Variants in ZNF845 observed in about 807,000 individuals in gnomAD.
ZNF845 encodes the protein zinc finger protein 845.
A neutral mutation model predicts 76.1 loss-of-function variants in ZNF845; 59 were observed. The observed-to-expected ratio is 0.78, with a 90% CI of 0.63 to 0.96. The LOEUF (loss-of-function observed/expected upper bound fraction) is 0.96. ZNF845 is among the 40% of genes least tolerant of loss of function. The pLI is 0.00. For missense variants in ZNF845, 1,045 were observed against 1,172.8 expected, an observed-to-expected ratio of 0.89 and a Z score of 1.59; for synonymous variants, 361 against 386.9, an observed-to-expected ratio of 0.93 and a Z score of 0.78.
chr19:53,344,557 C>G (rs1011587652), intron 2 of ZNF845, among the ~76,000 whole-genome samples: 22 of 145,780 alleles, frequency 1.5e-4, no homozygotes, highest in Admixed American at 4.1e-4. Flanking sequence ...AAAAAAGTTT[C>G]TAACATTTCT....
rs1486439901 is a variant in ZNF845, at chr19:53,352,906, A to G, written c.2231A>G (p.Glu744Gly). Residue 744 changes from glutamate to glycine, a missense_variant, in exon 4 of 4, where the codon GAG becomes GGG. Glu to Gly is a moderately conservative substitution (Grantham distance 98). Transcript: ENST00000458035. ...LTCHLRLHTG[E>G]KPYKCEECDK... ...TGCCATCTTAGACTTCATACTGGAGAGAAACCTTACAAATGTGAAGAATGT... is the reference window on the plus strand; with the variant it reads ...TGCCATCTTAGACTTCATACTGGAGGGAAACCTTACAAATGTGAAGAATGT... The G allele has an allele frequency of 1.2e-6, 2 of 1,614,000 alleles. No homozygotes were observed. The highest frequency in any genetic ancestry group is 1.7e-6 in the Non-Finnish European group (2 of 1,180,012).
At position 53,355,871 on chromosome 19, in the gene ZNF845, C is replaced by T. The variant is rs1338519764; in HGVS notation, c.*2283C>T. The T allele has an allele frequency of 6.6e-6, 1 of 152,112 alleles. No individual in the cohort carries two copies. The highest frequency in any genetic ancestry group is 1.5e-5 in the Non-Finnish European group (1 of 68,022). 9.4% of individuals were successfully genotyped at this position (152,112 alleles called of 1,614,324 possible). On this transcript the variant is annotated 3_prime_UTR_variant, in exon 4 of 4. Coordinates refer to ENST00000458035, the MANE Select transcript of ZNF845 (RefSeq NM_138374.3). ...AATGAATATTGAGTTCTGTGAAATGCTTTTTCTCTATCTATTGAGATAATG... is the reference window on the plus strand; with the variant it reads ...AATGAATATTGAGTTCTGTGAAATGTTTTTTCTCTATCTATTGAGATAATG...
chr19:53,354,116 T>A lies in ZNF845; in HGVS notation c.*528T>A. 7.1e-6 allele frequency: 4 copies of A among 561,536 alleles called. No individual in the cohort carries two copies. In the Admixed American group the frequency reaches 8.5e-5, roughly 12 times the overall value. The allele number at this position is 561,536 out of a possible 1,614,324, so 34.8% of individuals were successfully genotyped here. On this transcript the variant is annotated 3_prime_UTR_variant, in exon 4 of 4. Transcript: ENST00000458035. The stretch of plus-strand genomic sequence containing the variant: ...ATGATGATTGCAGCAAAGCCTTTAC[T>A]TCACGTTCACACCTAATTAGACATC...
At chr19:53,345,853 T>C (rs1185112063) in intron 3 of ZNF845, among the ~76,000 whole-genome samples, 7 of 151,288 alleles carry the variant, frequency 4.6e-5, no homozygotes, top group African/African-American at 1.7e-4. Flanking sequence ...GCTACTTTTT[T>C]AGTTTTTTTT....
intron 1 of ZNF845, among the ~76,000 whole-genome samples, chr19:53,335,542 G>A (rs772244927): frequency 2.6e-5 from 4 of 152,058 alleles, no homozygotes; most frequent in Non-Finnish European, 5.9e-5. Context: ...ATTACAGGTG[G>A]AATTACAGAG....
At chr19:53,349,099 C>T (rs1568739506) in intron 3 of ZNF845, among the ~76,000 whole-genome samples, 1 of 152,016 alleles carries the variant, frequency 6.6e-6, no homozygotes, top group Non-Finnish European at 1.5e-5. Flanking sequence ...ACCTTGTATC[C>T]ACCTGCCTTG....
At chr19:53,341,400 T>G in intron 2 of ZNF845, 78 bp downstream of exon 2, 1 of 1,595,872 alleles carries the variant, frequency 6.3e-7, no homozygotes, top group Non-Finnish European at 8.6e-7. Context: ...GAATCTTCTC[T>G]GAGTCTGAAG....
intron 1 of ZNF845, among the ~76,000 whole-genome samples, chr19:53,338,530 G>A (rs144280743): frequency 6.6e-6 from 1 of 150,778 alleles, no homozygotes; most frequent in Non-Finnish European, 1.5e-5. Context: ...TACACAACTA[G>A]TTCTGTTCCG....
At chr19:53,341,751 T>A (rs1446066898) in intron 2 of ZNF845, among the ~76,000 whole-genome samples, 1 of 152,220 alleles carries the variant, frequency 6.6e-6, no homozygotes. Context: ...GGGGAAACGT[T>A]TTCTGCCTGA....
intron 2 of ZNF845, among the ~76,000 whole-genome samples, chr19:53,343,770 A>T (rs1460594943): frequency 2.6e-5 from 4 of 152,158 alleles, no homozygotes; most frequent in African/African-American, 9.7e-5. Context: ...TATTTTGTGG[A>T]CATATGTATA....
intron 2 of ZNF845, among the ~76,000 whole-genome samples, 172 bp downstream of exon 2, chr19:53,341,494 A>G (rs754556884): frequency 1.3e-5 from 2 of 151,936 alleles, no homozygotes; most frequent in Non-Finnish European, 2.9e-5. Context: ...CTCTTGTGAC[A>G]CAGTGACATC....
At chr19:53,350,679 C>G in intron 3 of ZNF845, 139 bp from the exon 4 acceptor site, 1 of 1,135,476 alleles carries the variant, frequency 8.8e-7, no homozygotes, top group Non-Finnish European at 1.2e-6. Context: ...ATGAATCTTA[C>G]CCTTTTGCGT....
rs558069073 is a variant in ZNF845, at chr19:53,353,331, C to A, written c.2656C>A (p.Pro886Thr). 2 of 1,613,430 alleles carry A rather than the reference C, an allele frequency of 1.2e-6. No homozygotes were observed. Among genetic ancestry groups the A allele is most frequent in the Non-Finnish European group, 1.7e-6 (2 of 1,179,788 alleles). ...TCATAGACTTCATACTGGAGAGAAA[C>A]CTTACAAGTGTAATAAATGTGGTAA... Reference protein sequence around the residue: ...RHHRLHTGEKPYKCNKCGKVF... With the variant: ...RHHRLHTGEKTYKCNKCGKVF... Residue 886 changes from proline to threonine, a missense_variant, in exon 4 of 4, where the codon CCT (proline) becomes ACT (threonine). Coordinates refer to ENST00000458035, the MANE Select transcript of ZNF845 (RefSeq NM_138374.3).
chr19:53,336,479 C>T (rs954578146), intron 1 of ZNF845, among the ~76,000 whole-genome samples: 5 of 152,122 alleles, frequency 3.3e-5, no homozygotes, highest in African/African-American at 9.7e-5. Flanking sequence ...CACTGCACTG[C>T]AGCCTGGGGG....
At chr19:53,345,458 TAAG>T (rs2085287635) in intron 2 of ZNF845, 45 bp from the exon 3 acceptor site, 2 of 1,613,056 alleles carry the variant, frequency 1.2e-6, no homozygotes, top group Admixed American at 1.7e-5. Context: ...CGTGTAAAGA[TAAG>T]AACTCCTCCC....
chr19:53,340,417 C>T (rs1011083225), intron 1 of ZNF845, among the ~76,000 whole-genome samples: 2 of 152,124 alleles, frequency 1.3e-5, no homozygotes, highest in African/African-American at 4.8e-5. Context: ...CCCCTGAACG[C>T]TACAGTCCTG....
intron 1 of ZNF845, among the ~76,000 whole-genome samples, chr19:53,337,523 T>C (rs2085224221): frequency 1.3e-5 from 2 of 152,126 alleles, no homozygotes; most frequent in Non-Finnish European, 2.9e-5. Flanking sequence ...TGAAATTAAA[T>C]GTGTGTGCCA....
At chr19:53,343,332 T>TG (rs1316924663) in intron 2 of ZNF845, among the ~76,000 whole-genome samples, 1 of 152,192 alleles carries the variant, frequency 6.6e-6, no homozygotes, top group Non-Finnish European at 1.5e-5. Flanking sequence ...ATGACCTGTG[T>TG]GTTCTTTGCA....
intron 3 of ZNF845, among the ~76,000 whole-genome samples, chr19:53,348,847 A>ATT (rs565694028): frequency 0.026 from 2,503 of 96,594 alleles, 1 homozygote; most frequent in East Asian, 0.043. Context: ...TTGTTAGTCA[A>ATT]TTTTTTTTTT....
Sources: allele counts gnomAD v4.1 joint callset (sites outside exome capture counted in the v4.1 genomes callset), GRCh38; gene constraint gnomAD v4.1.1; transcripts MANE v1.5; gene names NCBI Gene and HGNC (gene_info 2026-07-23, HGNC 2026-07-21).